Variants in PINX1 observed in about 807,000 individuals in gnomAD.
The protein encoded by PINX1 is PIN2/TERF1-interacting telomerase inhibitor 1.
Under a neutral mutation model 25.4 loss-of-function variants are expected in PINX1, and 34 were observed. That is an observed-to-expected ratio of 1.34 (90% CI 1.02 to 1.78). The LOEUF is 1.78. PINX1 is among the 40% of genes most tolerant of loss of function. The probability of loss-of-function intolerance (pLI) is 0.00; values close to 1 mark genes in which losing one functional copy is unlikely to be tolerated. For missense variants in PINX1, 592 were observed against 404.9 expected (o/e 1.46, Z -3.97); for synonymous variants, 197 against 147.7 (o/e 1.33, Z -2.42).
At chr8:10,805,393 A>ACAT (rs1286602275) in intron 6 of PINX1, among the ~76,000 whole-genome samples, 4 of 152,240 alleles carry the variant, frequency 2.6e-5, no homozygotes, top group African/African-American at 9.6e-5. Flanking sequence ...GATACACTTT[A>ACAT]GACAACCAGA....
At chr8:10,832,617 T>G (rs750288404) in intron 3 of PINX1, among the ~76,000 whole-genome samples, 12 of 152,222 alleles carry the variant, frequency 7.9e-5, no homozygotes, top group Non-Finnish European at 1.8e-4. Flanking sequence ...CCAGATTCCC[T>G]ACCAGATTAT....
intron 5 of PINX1, among the ~76,000 whole-genome samples, chr8:10,824,751 C>G (rs973817060): frequency 1.3e-5 from 2 of 152,232 alleles, no homozygotes; most frequent in African/African-American, 2.4e-5. Flanking sequence ...GCGTAAAAGG[C>G]TGCCACATCA....
rs368871048 is a variant in PINX1 at position 10,831,695 on chromosome 8, G to C, written c.271C>G (p.Leu91Val). The C allele has an allele frequency of 8.7e-6, 14 of 1,604,714 alleles. No individual in the cohort carries two copies. Among genetic ancestry groups the C allele is most frequent in the East Asian group, 2.2e-5 (1 of 44,746 alleles). The part of the protein sequence containing the change: ...QDDFNQLLAE[L>V]NTCHGQETTD... ...GTTTCCTGCCCATGGCAAGTGTTCA[G>C]TTCGGCCAGAAGCTGGTTAAAATCA... Residue 91 changes from leucine (L) to valine (V), a missense_variant, in exon 4 of 7, where the codon CTG (leucine) becomes GTG (valine). By Grantham distance (32) the Leu-to-Val change is conservative. Transcript: ENST00000314787.
chr8:10,780,609 G>A (rs1220898971), intron 6 of PINX1, among the ~76,000 whole-genome samples: 1 of 150,532 alleles, frequency 6.6e-6, no homozygotes, highest in African/African-American at 2.4e-5. Flanking sequence ...CCCATTTATG[G>A]TACCATCAAA....
In PINX1 at chr8:10,826,196, G is replaced by A. The variant is rs770567828; in HGVS notation, c.350C>T (p.Ser117Phe). Residue 117 changes from serine (S) to phenylalanine (F), a missense_variant, in exon 5 of 7, where the codon TCC (serine) becomes TTC (phenylalanine). Coordinates refer to ENST00000314787, the MANE Select transcript of PINX1 (RefSeq NM_017884.6). ...EKKSFSLEEK[S>F]KISKNRVHYM... is the part of the protein sequence containing the mutation. ...GTGAACACGGTTTTTGGAGATTTTGGACTTTTCCTCAAGGCTAAAAGATTT... is the reference window on the plus strand; with the variant it reads ...GTGAACACGGTTTTTGGAGATTTTGAACTTTTCCTCAAGGCTAAAAGATTT... The A allele has an allele frequency of 5.0e-5, 80 of 1,597,980 alleles. 4 individuals carry two copies. The South Asian group carries it at 8.8e-4, about 18-fold the overall frequency.
intron 6 of PINX1, among the ~76,000 whole-genome samples, chr8:10,799,226 A>G (rs1002321580): frequency 6.6e-6 from 1 of 152,084 alleles, no homozygotes; most frequent in Non-Finnish European, 1.5e-5. Flanking sequence ...TTTTATTATA[A>G]ACATAAACTT....
At chr8:10,783,928 A>G (rs1801669545) in intron 6 of PINX1, among the ~76,000 whole-genome samples, 1 of 152,196 alleles carries the variant, frequency 6.6e-6, no homozygotes, top group South Asian at 2.1e-4. Context: ...CTGTTTATGA[A>G]TCACTTGTAA....
chr8:10,780,969 T>C (rs1801567471), intron 6 of PINX1, among the ~76,000 whole-genome samples: 1 of 152,136 alleles, frequency 6.6e-6, no homozygotes, highest in African/African-American at 2.4e-5. Flanking sequence ...CAAGCTATAG[T>C]AATTAAAACA....
chr8:10,823,695 G>A (rs1330820144), intron 5 of PINX1, among the ~76,000 whole-genome samples: 2 of 152,168 alleles, frequency 1.3e-5, no homozygotes, highest in African/African-American at 4.8e-5. Flanking sequence ...AGGTGCAGTG[G>A]CTCACACCTG....
At chr8:10,795,148 T>C (rs1802047030) in intron 6 of PINX1, among the ~76,000 whole-genome samples, 2 of 152,192 alleles carry the variant, frequency 1.3e-5, no homozygotes, top group African/African-American at 4.8e-5. Flanking sequence ...AAAAAACAAA[T>C]CACTTGGTTG....
At chr8:10,832,213 A>T (rs1798245610) in intron 3 of PINX1, among the ~76,000 whole-genome samples, 1 of 152,170 alleles carries the variant, frequency 6.6e-6, no homozygotes, top group African/African-American at 2.4e-5. Flanking sequence ...GAGGAAGGGG[A>T]GGAGGAAGAA....
intron 6 of PINX1, among the ~76,000 whole-genome samples, chr8:10,807,835 GA>G (rs1377952534): frequency 1.3e-5 from 2 of 152,180 alleles, no homozygotes; most frequent in Non-Finnish European, 2.9e-5. Context: ...CAAGGCTGGG[GA>G]AAAGTCCAGG....
At chr8:10,827,545 T>A (rs1451823985) in intron 4 of PINX1, among the ~76,000 whole-genome samples, 1 of 151,838 alleles carries the variant, frequency 6.6e-6, no homozygotes, top group Non-Finnish European at 1.5e-5. Context: ...ACAGAAACGA[T>A]CATAGGCAGA....
intron 4 of PINX1, among the ~76,000 whole-genome samples, chr8:10,829,302 AAAAG>A (rs1196446893): frequency 4.8e-5 from 7 of 146,212 alleles, no homozygotes; most frequent in South Asian, 2.2e-4. Context: ...AAAAAAAAAA[AAAAG>A]AGAGAGAGAA....
chr8:10,766,308 T>A (rs1356577919), intron 6 of PINX1, among the ~76,000 whole-genome samples: 13 of 152,232 alleles, frequency 8.5e-5, no homozygotes, highest in Non-Finnish European at 1.9e-4. Context: ...ACACTGGTGT[T>A]CCAGAGCTTG....
chr8:10,772,202 G>A (rs1801248327), intron 6 of PINX1, among the ~76,000 whole-genome samples: 1 of 152,354 alleles, frequency 6.6e-6, no homozygotes, highest in Middle Eastern at 3.4e-3. Context: ...CTCATTTGGA[G>A]AACAGCAGTG....
intron 4 of PINX1, among the ~76,000 whole-genome samples, chr8:10,829,301 AAAAAG>A (rs1468598087): frequency 6.6e-5 from 10 of 151,716 alleles, no homozygotes; most frequent in African/African-American, 2.4e-4. Context: ...AAAAAAAAAA[AAAAAG>A]AGAGAGAGAA....
chr8:10,780,267 A>C (rs1315367465), intron 6 of PINX1, among the ~76,000 whole-genome samples: 1 of 152,194 alleles, frequency 6.6e-6, no homozygotes, highest in Non-Finnish European at 1.5e-5. Context: ...CAGAAATGGC[A>C]AGAATGGACA....
At chr8:10,816,089 T>C (rs894838714) in intron 6 of PINX1, among the ~76,000 whole-genome samples, 26 of 152,210 alleles carry the variant, frequency 1.7e-4, no homozygotes, top group East Asian at 1.4e-3. Context: ...GCAACTATGA[T>C]TGGGGTTAGC....
Sources: allele counts gnomAD v4.1 joint callset (sites outside exome capture counted in the v4.1 genomes callset), GRCh38; gene constraint gnomAD v4.1.1; transcripts MANE v1.5; gene names NCBI Gene and HGNC (gene_info 2026-07-23, HGNC 2026-07-21).